The following ZSCAN5A variants were observed in gnomAD, a reference collection of about 807,000 sequenced individuals.
ZSCAN5A encodes the protein zinc finger and SCAN domain containing 5A.
ZSCAN5A carries 12 observed loss-of-function variants against 23.7 expected under a neutral mutation model. That is an observed-to-expected ratio of 0.51 (90% CI 0.32 to 0.82). The LOEUF (loss-of-function observed/expected upper bound fraction) is 0.82. Among genes scored for constraint, ZSCAN5A ranks in the 40% least tolerant of loss-of-function variants. ZSCAN5A has a pLI of 0.03. For synonymous variants in ZSCAN5A, 257 were observed against 239.9 expected (o/e 1.07, Z -0.66); for missense variants, 597 against 617.9 (o/e 0.97, Z 0.36).
intron 3 of ZSCAN5A, among the ~76,000 whole-genome samples, chr19:56,224,073 T>A (rs557333540): frequency 6.6e-6 from 1 of 151,640 alleles, no homozygotes; most frequent in Admixed American, 6.6e-5. Flanking sequence ...GTCCTTTAGA[T>A]GAAATAGTCT....
At chr19:56,344,243 C>G (rs962207687) in intron 2 of ZSCAN5A, among the ~76,000 whole-genome samples, 11 of 152,252 alleles carry the variant, frequency 7.2e-5, no homozygotes, top group Non-Finnish European at 1.5e-5. Context: ...AAACCAACTT[C>G]CTTACTGCCT....
chr19:56,250,069 T>G (rs1330804636), intron 2 of ZSCAN5A, among the ~76,000 whole-genome samples: 1 of 152,126 alleles, frequency 6.6e-6, no homozygotes, highest in African/African-American at 2.4e-5. Flanking sequence ...AGACACACAG[T>G]AAAAGAGATG....
chr19:56,325,724 G>A (rs1266036843), intron 2 of ZSCAN5A, among the ~76,000 whole-genome samples: 3 of 144,072 alleles, frequency 2.1e-5, no homozygotes, highest in Admixed American at 2.0e-4. Flanking sequence ...CAGATATACT[G>A]GTTATCTGTT....
At position 56,352,369 on chromosome 19, in the gene ZSCAN5A, C is replaced by A. The variant is rs893035396; in HGVS notation, c.-358+10866G>T. Among the ~76,000 whole-genome samples, 11 of 152,160 alleles carry A rather than the reference C, an allele frequency of 7.2e-5. No homozygotes were observed. The highest frequency in any genetic ancestry group is 2.7e-4 in the African/African-American group (11 of 41,436). ...GTAGAGACAGAGAGAGACATGAGAT[C>A]CCACAGAAGCTAAGGCAGATTTAAG... On this transcript the variant is annotated intron_variant, in intron 2 of 6. Transcript: ENST00000587340. The surrounding 1 kb of genome is among the most constrained non-coding windows in gnomAD (Gnocchi z 4.2).
chr19:56,222,661 C>T lies in ZSCAN5A; in HGVS notation c.669G>A (p.Lys223=), dbSNP rs149479488. 1.2e-4 allele frequency: 186 copies of T among 1,614,184 alleles called. No homozygotes were observed. Among genetic ancestry groups the T allele is most frequent in the Non-Finnish European group, 1.5e-4 (174 of 1,180,026 alleles). ...KSLRPKQTLE[K]DLKENREENP... The stretch of plus-strand genomic sequence containing the variant: ...TCTCTTCCCTGTTTTCCTTCAGATC[C>T]TTCTCCAAGGTCTGCTTGGGTCTCA... The change falls in exon 5 of 6, where the codon AAG becomes AAA. Residue 223 remains lysine, a synonymous_variant. Transcript: ENST00000683990.
intron 2 of ZSCAN5A, chr19:56,354,507 T>C (rs543379889): frequency 6.6e-6 from 1 of 152,288 alleles, no homozygotes; most frequent in East Asian, 1.9e-4. Flanking sequence ...GTCTTTAAGA[T>C]GTAGTGGTGG....
At chr19:56,284,805 G>C (rs1038176025) in intron 2 of ZSCAN5A, among the ~76,000 whole-genome samples, 1 of 152,124 alleles carries the variant, frequency 6.6e-6, no homozygotes, top group Non-Finnish European at 1.5e-5. Flanking sequence ...GAGCCACTGC[G>C]CCTGGCCTTG....
Position 56,225,079 on chromosome 19 carries a change from G to C in ZSCAN5A, c.-33C>G. The C allele has an allele frequency of 6.5e-7, 1 of 1,544,344 alleles. No homozygotes were observed. On this transcript the variant is annotated 5_prime_UTR_variant, in exon 3 of 6. Transcript: ENST00000683990. ...GGAGAATTTTTTAATCAGTCTCTGA[G>C]AAAGCTCTTCCAGTAGCTGGTATCT...
chr19:56,241,752 A>T (rs2035442722), intron 2 of ZSCAN5A, among the ~76,000 whole-genome samples: 1 of 152,204 alleles, frequency 6.6e-6, no homozygotes, highest in Admixed American at 6.5e-5. Flanking sequence ...AGCCCTGGTA[A>T]CCACCATTCT....
At chr19:56,244,193 A>C (rs539896358) in intron 2 of ZSCAN5A, 8 of 1,610,432 alleles carry the variant, frequency 5.0e-6, no homozygotes, top group Non-Finnish European at 6.8e-6. Context: ...CAGGATGTTC[A>C]GCTGCCCAGA....
At chr19:56,327,794 C>T (rs1047665429) in intron 2 of ZSCAN5A, among the ~76,000 whole-genome samples, 1 of 151,718 alleles carries the variant, frequency 6.6e-6, no homozygotes, top group African/African-American at 2.4e-5. Flanking sequence ...CATACACATG[C>T]GATACATATG....
At chr19:56,347,163 T>C (rs1408658336) in intron 2 of ZSCAN5A, 1 of 152,144 alleles carries the variant, frequency 6.6e-6, no homozygotes, top group Admixed American at 6.5e-5. Context: ...AGGGGTTAGA[T>C]TTTCTTTTAT....
At chr19:56,251,148 TA>T (rs34825803) in intron 2 of ZSCAN5A, among the ~76,000 whole-genome samples, 9,755 of 130,968 alleles carry the variant, frequency 0.074, 367 homozygotes, top group Admixed American at 0.15. Context: ...AGACTCCGTG[TA>T]AAAAAAAAAA....
Position 56,353,614 on chromosome 19 carries a change from T to TA in ZSCAN5A, c.-358+9620dup, listed in dbSNP as rs753891156. On this transcript the variant is annotated intron_variant, in intron 2 of 6. Coordinates refer to the ZSCAN5A transcript ENST00000587340. ...AACGGCGGTGAAACCCCGTCTCTAC[T>TA]AAAAAAAAATACAAAAAATTAGCTG... Among the ~76,000 whole-genome samples the TA allele has an allele frequency of 1.8e-3, 263 of 146,336 alleles. 1 individual carries two copies. Among genetic ancestry groups the TA allele is most frequent in the East Asian group, 0.014 (72 of 5,068 alleles).
intron 2 of ZSCAN5A, among the ~76,000 whole-genome samples, chr19:56,232,005 T>TTTTTTTTTTTTTTTA (rs1568619830): frequency 6.7e-6 from 1 of 149,470 alleles, no homozygotes; most frequent in African/African-American, 2.5e-5. Flanking sequence ...TCTTTTTTTT[T>TTTTTTTTTTTTTTTA]GAGACAGTGT....
At chr19:56,264,650 T>C (rs536096177) in intron 2 of ZSCAN5A, among the ~76,000 whole-genome samples, 229 of 152,346 alleles carry the variant, frequency 1.5e-3, no homozygotes, top group Non-Finnish European at 2.7e-3. Context: ...TATTGGAACA[T>C]AGCTAGCTCC....
chr19:56,262,321 C>CT (rs1368050263), intron 2 of ZSCAN5A, among the ~76,000 whole-genome samples: 1 of 150,372 alleles, frequency 6.7e-6, no homozygotes, highest in African/African-American at 2.4e-5. Context: ...GCCCGGCCCA[C>CT]TTTTCTAACT....
intron 2 of ZSCAN5A, among the ~76,000 whole-genome samples, chr19:56,359,011 A>G (rs1045669634): frequency 6.6e-6 from 1 of 152,234 alleles, no homozygotes; most frequent in African/African-American, 2.4e-5. Flanking sequence ...CACAACTAAA[A>G]GTACCAGAGA....
intron 2 of ZSCAN5A, among the ~76,000 whole-genome samples, chr19:56,258,450 C>G (rs372249912): frequency 1.5e-5 from 2 of 134,754 alleles, no homozygotes; most frequent in African/African-American, 6.6e-5. Context: ...TGTTGACAGA[C>G]ACACCTTCCA....
Sources: allele counts gnomAD v4.1 joint callset (sites outside exome capture counted in the v4.1 genomes callset), GRCh38; gene constraint gnomAD v4.1.1; non-coding constraint Gnocchi (gnomAD v3.1); transcripts MANE v1.5; gene names NCBI Gene and HGNC (gene_info 2026-07-23, HGNC 2026-07-21).